The following FER variants were observed in gnomAD, a reference collection of about 807,000 sequenced individuals.
FER encodes the protein FER tyrosine kinase, also known as tyrosine-protein kinase Fer.
FER carries 63 observed loss-of-function variants against 111.0 expected under a neutral mutation model. The observed-to-expected ratio is 0.57, with a 90% confidence interval of 0.46 to 0.70. The LOEUF is 0.70. Ranked by LOEUF, FER falls within the 30% of genes least tolerant of loss-of-function variation. The pLI, the probability that FER is intolerant of heterozygous loss-of-function variation, is 0.00. For missense variants in FER, 914 were observed against 954.0 expected (o/e 0.96, Z 0.55); for synonymous variants, 327 against 313.9 (o/e 1.04, Z -0.44).
At chr5:108,936,811 A>G (rs141158330) in intron 10 of FER, among the ~76,000 whole-genome samples, 176 of 152,154 alleles carry the variant, frequency 1.2e-3, no homozygotes, top group African/African-American at 4.0e-3. Flanking sequence ...AGTACAGCAA[A>G]CTAGTTTTCA....
At chr5:108,760,408 G>T (rs2149930288) in intron 1 of FER, among the ~76,000 whole-genome samples, 1 of 152,288 alleles carries the variant, frequency 6.6e-6, no homozygotes, top group East Asian at 1.9e-4. Context: ...AAGCTTTGAA[G>T]TCACGCATTA....
intron 5 of FER, among the ~76,000 whole-genome samples, chr5:108,850,036 C>CA (rs1029249324): frequency 6.0e-5 from 9 of 150,020 alleles, no homozygotes; most frequent in African/African-American, 1.5e-4. Context: ...CTAAAAAATG[C>CA]AAAAAAAAAT....
At chr5:109,055,592 C>T (rs565687169) in intron 16 of FER, among the ~76,000 whole-genome samples, 4 of 151,618 alleles carry the variant, frequency 2.6e-5, no homozygotes, top group Non-Finnish European at 5.9e-5. Flanking sequence ...TCAGACCAGC[C>T]TGGGCAACGT....
chr5:108,798,386 C>T lies in FER; in HGVS notation c.204C>T (p.Ser68=). 1 of 1,606,822 alleles carries T rather than the reference C, an allele frequency of 6.2e-7. No homozygotes were observed. The highest frequency in any genetic ancestry group is 1.3e-5 in the African/African-American group (1 of 74,750). The change falls in exon 3 of 20, where the codon TCC becomes TCT. Residue 68 remains serine, a synonymous_variant. Transcript: ENST00000281092. ...AAATGAATTATGTCAGCAACGTATCCAAGGTAAGAAGAATAATTTCACTCT... is the reference window on the plus strand; with the variant it reads ...AAATGAATTATGTCAGCAACGTATCTAAGGTAAGAAGAATAATTTCACTCT... ...TVQMNYVSNV[S]KSWLLMIQQT... is the part of the protein sequence containing the mutation.
chr5:108,793,518 G>GC (rs1344995607), intron 2 of FER, among the ~76,000 whole-genome samples: 1 of 130,560 alleles, frequency 7.7e-6, no homozygotes, highest in Non-Finnish European at 1.6e-5. Flanking sequence ...TTTTGGCGGG[G>GC]CGGGGGGGGT....
At chr5:109,183,245 C>CAT (rs1758467185) in intron 18 of FER, among the ~76,000 whole-genome samples, 2 of 74,808 alleles carry the variant, frequency 2.7e-5, no homozygotes, top group African/African-American at 1.0e-4. Flanking sequence ...TAAATCCTAG[C>CAT]GTGTTTTTTT....
At chr5:109,068,371 A>G (rs1216649783) in intron 16 of FER, among the ~76,000 whole-genome samples, 5 of 151,990 alleles carry the variant, frequency 3.3e-5, no homozygotes, top group Non-Finnish European at 7.4e-5. Flanking sequence ...TTTTGTAGAG[A>G]TGGGGTTTCA....
chr5:109,019,825 C>G (rs1289991687), intron 13 of FER, among the ~76,000 whole-genome samples: 2 of 151,700 alleles, frequency 1.3e-5, no homozygotes, highest in Non-Finnish European at 2.9e-5. Flanking sequence ...CTTTATATGT[C>G]TGTAGATATA....
At chr5:108,814,944 C>T (rs1758131367) in intron 3 of FER, among the ~76,000 whole-genome samples, 1 of 152,082 alleles carries the variant, frequency 6.6e-6, no homozygotes, top group Non-Finnish European at 1.5e-5. Flanking sequence ...TCTTTTTCCC[C>T]CAACTACCTG....
At chr5:108,909,542 T>A (rs966791496) in intron 10 of FER, among the ~76,000 whole-genome samples, 10 of 152,270 alleles carry the variant, frequency 6.6e-5, no homozygotes, top group Admixed American at 5.9e-4. Flanking sequence ...CAGTTACACT[T>A]CTATTCTATA....
rs1240401529 is a variant in FER at position 109,188,799 on chromosome 5, G to A, written c.*1224G>A. 6.6e-6 allele frequency: 1 copy of A among 152,140 alleles called. No homozygotes were observed. The highest frequency in any genetic ancestry group is 6.5e-5 in the Admixed American group (1 of 15,270). 9.4% of individuals were successfully genotyped at this position (152,140 alleles called of 1,614,324 possible). A position where few individuals can be genotyped will look rare whatever the true frequency, so the allele number is the denominator to read the frequency against. ...GAAATAACAGCATACTTTCAGTTAAGCATTTTCACCTTAGAGGGGGCATTC... is the reference window on the plus strand; with the variant it reads ...GAAATAACAGCATACTTTCAGTTAAACATTTTCACCTTAGAGGGGGCATTC... On this transcript the variant is annotated 3_prime_UTR_variant, in exon 20 of 20. Transcript: ENST00000281092.
At chr5:108,918,626 A>G (rs2149545567) in intron 10 of FER, among the ~76,000 whole-genome samples, 1 of 151,872 alleles carries the variant, frequency 6.6e-6, no homozygotes, top group South Asian at 2.1e-4. Context: ...AGCTGGGACT[A>G]CAGGCCCCCG....
At chr5:109,062,341 A>G (rs1306116461) in intron 16 of FER, among the ~76,000 whole-genome samples, 3 of 151,958 alleles carry the variant, frequency 2.0e-5, no homozygotes, top group Non-Finnish European at 2.9e-5. Flanking sequence ...CTGCCCAACA[A>G]AGCAAAAACC....
chr5:108,785,325 T>G (rs1754575905), intron 2 of FER: 1 of 563,488 alleles, frequency 1.8e-6, no homozygotes, highest in South Asian at 1.6e-5. Flanking sequence ...ACCCTGTGCT[T>G]CAGCCCCAAC....
At position 108,927,051 on chromosome 5, in the gene FER, T is replaced by C. The variant is rs114695049; in HGVS notation, c.1237-19079T>C. 1.4e-3 allele frequency among the ~76,000 whole-genome samples: 220 copies of C among 152,222 alleles called. 1 individual carries two copies. The highest frequency in any genetic ancestry group is 5.1e-3 in the African/African-American group (213 of 41,516). On this transcript the variant is annotated intron_variant, in intron 10 of 19. Coordinates refer to ENST00000281092, the MANE Select transcript of FER (RefSeq NM_005246.4). ...TCATCTGTTCCCTCCAAGTAGTGTG[T>C]CATATTGATATTGTATTATGTGTGG...
At chr5:108,877,842 A>G (rs1201139982) in intron 8 of FER, among the ~76,000 whole-genome samples, 1 of 152,164 alleles carries the variant, frequency 6.6e-6, no homozygotes, top group Non-Finnish European at 1.5e-5. Flanking sequence ...TCCAATGATT[A>G]TGATATGAAA....
intron 9 of FER, among the ~76,000 whole-genome samples, chr5:108,893,690 G>A (rs772103512): frequency 3.3e-5 from 5 of 152,000 alleles, no homozygotes; most frequent in Admixed American, 6.6e-5. Flanking sequence ...GTGAGCGGCT[G>A]AATGACGAAC....
intron 13 of FER, among the ~76,000 whole-genome samples, chr5:108,988,566 G>A (rs1405395896): frequency 6.6e-6 from 1 of 151,944 alleles, no homozygotes; most frequent in African/African-American, 2.4e-5. Flanking sequence ...TCTAATTTAG[G>A]TACGTAAAGG....
At chr5:108,844,043 T>TATATGCGTGTGAAC (rs1561499872) in intron 5 of FER, among the ~76,000 whole-genome samples, 63 of 101,408 alleles carry the variant, frequency 6.2e-4, no homozygotes, top group African/African-American at 1.9e-3. Flanking sequence ...TGTGTGAACA[T>TATATGCGTGTGAAC]ATATATGTGT....
Sources: allele counts gnomAD v4.1 joint callset (sites outside exome capture counted in the v4.1 genomes callset), GRCh38; gene constraint gnomAD v4.1.1; transcripts MANE v1.5; gene names NCBI Gene and HGNC (gene_info 2026-07-23, HGNC 2026-07-21).